Variants in PCDH7 observed in about 807,000 individuals in gnomAD.
PCDH7 encodes protocadherin 7, also known as protocadherin-7.
In PCDH7, 17 loss-of-function variants were observed where a neutral mutation model predicts 58.9. That is an observed-to-expected ratio of 0.29 (90% CI 0.20 to 0.43). The LOEUF is 0.43. Ranked by LOEUF, PCDH7 falls within the 20% of genes least tolerant of loss-of-function variation. The probability of loss-of-function intolerance (pLI) is 1.00; values close to 1 mark genes in which losing one functional copy is unlikely to be tolerated. For synonymous variants in PCDH7, 664 were observed against 616.4 expected (o/e 1.08, Z -1.14); for missense variants, 1,274 against 1,441.0 (o/e 0.88, Z 1.88).
chr4:30,790,115 T>G (rs1049178915), intron 1 of PCDH7, among the ~76,000 whole-genome samples: 1 of 152,178 alleles, frequency 6.6e-6, no homozygotes, highest in African/African-American at 2.4e-5. Flanking sequence ...GTTTTAGTTC[T>G]TGTTATTTTT....
Position 30,836,932 on chromosome 4 carries a change from C to T in PCDH7, c.71-83221C>T, listed in dbSNP as rs554495051. Among the ~76,000 whole-genome samples the T allele has an allele frequency of 4.6e-5, 7 of 152,160 alleles. No individual in the cohort carries two copies. In the South Asian group the frequency reaches 1.0e-3, roughly 23 times the overall value. On this transcript the variant is annotated intron_variant, in intron 1 of 3. Coordinates refer to the PCDH7 transcript ENST00000509759. ...TCATTATCACCGACTCACTTTAAAC[C>T]GTACTGGCCAGCACAGTAGGACAGT...
At chr4:30,733,483 G>C (rs1310270740), downstream of PCDH7, among the ~76,000 whole-genome samples, 1 of 152,120 alleles carries the variant, frequency 6.6e-6, no homozygotes, top group Non-Finnish European at 1.5e-5. Context: ...TAAGAGACAA[G>C]TGTCTCATTA....
rs563269331 is a variant in PCDH7 at position 31,131,972 on chromosome 4, A to G, written c.*8-10501A>G. On this transcript the variant is annotated intron_variant, in intron 3 of 3. Transcript: ENST00000509759. ...CAAAAAGTAATCACCTTTCAATTCT[A>G]CTTCAAATATGATTTGAACTTCAAT... Among the ~76,000 whole-genome samples the G allele has an allele frequency of 7.9e-5, 12 of 152,276 alleles. No homozygotes were observed. In the East Asian group the frequency reaches 2.3e-3, roughly 29 times the overall value.
intron 1 of PCDH7, among the ~76,000 whole-genome samples, chr4:30,897,683 A>G (rs952287203): frequency 2.6e-5 from 4 of 152,210 alleles, no homozygotes; most frequent in African/African-American, 9.6e-5. Context: ...GATGGTAGAG[A>G]GTAAATGTAA....
intron 1 of PCDH7, among the ~76,000 whole-genome samples, chr4:30,759,923 G>C (rs1324597325): frequency 6.6e-6 from 1 of 151,930 alleles, no homozygotes; most frequent in Non-Finnish European, 1.5e-5. Context: ...CTTGGTTTGG[G>C]CTCTACTCCC....
intron 1 of PCDH7, among the ~76,000 whole-genome samples, chr4:30,830,272 A>T (rs1464735309): frequency 6.6e-6 from 1 of 152,134 alleles, no homozygotes; most frequent in African/African-American, 2.4e-5. Flanking sequence ...TGTATGCAAG[A>T]ACCAAAGTTA....
At chr4:31,116,511 C>T (rs548910750) in intron 3 of PCDH7, among the ~76,000 whole-genome samples, 4 of 152,252 alleles carry the variant, frequency 2.6e-5, no homozygotes, top group East Asian at 3.9e-4. Flanking sequence ...GTGGCATTTT[C>T]GGTGGCACTG....
intron 1 of PCDH7, among the ~76,000 whole-genome samples, chr4:30,896,890 T>C (rs989421576): frequency 3.6e-5 from 2 of 55,400 alleles, no homozygotes; most frequent in East Asian, 1.3e-3. Flanking sequence ...AGTTCTTTGC[T>C]TTTTTTTTTT....
At chr4:30,726,172 G>C (rs950524035) in intron 1 of PCDH7, among the ~76,000 whole-genome samples, 1 of 151,976 alleles carries the variant, frequency 6.6e-6, no homozygotes, top group African/African-American at 2.4e-5. Flanking sequence ...TTGTAAACAA[G>C]GAAGATTCTA....
chr4:30,730,680 G>A, intron 1 of PCDH7: 1 of 1,107,314 alleles, frequency 9.0e-7, no homozygotes, highest in Non-Finnish European at 1.3e-6. Flanking sequence ...TTCCAATTGG[G>A]CATAAGACAC....
At chr4:31,116,106 T>C (rs1716951941) in intron 3 of PCDH7, among the ~76,000 whole-genome samples, 1 of 152,126 alleles carries the variant, frequency 6.6e-6, no homozygotes, top group South Asian at 2.1e-4. Context: ...GGGAGAGAAA[T>C]GATCCTAAAA....
chr4:31,113,108 C>G (rs1386833681), intron 3 of PCDH7, among the ~76,000 whole-genome samples: 2 of 152,004 alleles, frequency 1.3e-5, no homozygotes, highest in Non-Finnish European at 2.9e-5. Flanking sequence ...AATTGACCTT[C>G]TTTTGTCTGT....
intron 3 of PCDH7, among the ~76,000 whole-genome samples, chr4:31,093,866 C>A (rs1713594367): frequency 6.6e-6 from 1 of 151,962 alleles, no homozygotes; most frequent in South Asian, 2.1e-4. Context: ...TAAAAGATCA[C>A]AATATAATAT....
chr4:30,723,477 T>C lies in PCDH7; in HGVS notation c.2055T>C (p.Phe685=). 1.9e-6 allele frequency: 3 copies of C among 1,614,136 alleles called. No individual in the cohort carries two copies. The change falls in exon 1 of 2, where the codon TTT becomes TTC. Residue 685 remains phenylalanine, a synonymous_variant. Transcript: ENST00000361762. The surrounding 1 kb of genome is among the most constrained non-coding windows in gnomAD (Gnocchi z 4.6). ...ACATAGAGGAGAACAATAACATTTTTTCTATTGAAAATGACACGGGGACCA... is the reference window on the plus strand; with the variant it reads ...ACATAGAGGAGAACAATAACATTTTCTCTATTGAAAATGACACGGGGACCA...
chr4:30,949,569 A>G (rs569930831), intron 2 of PCDH7, among the ~76,000 whole-genome samples: 1 of 152,220 alleles, frequency 6.6e-6, no homozygotes, highest in East Asian at 1.9e-4. Context: ...TATTAGTTTG[A>G]CCTCCTCCAG....
chr4:30,945,035 C>G (rs1357837486), intron 2 of PCDH7, among the ~76,000 whole-genome samples: 1 of 151,858 alleles, frequency 6.6e-6, no homozygotes, highest in Non-Finnish European at 1.5e-5. Flanking sequence ...AAGTTGTCAC[C>G]TAAGAAAAAT....
chr4:30,797,693 C>T (rs1724979855), intron 1 of PCDH7, among the ~76,000 whole-genome samples: 2 of 152,078 alleles, frequency 1.3e-5, no homozygotes, highest in Non-Finnish European at 2.9e-5. Flanking sequence ...ATTTACCTAT[C>T]CTTCTTTCCC....
At chr4:31,042,839 T>A (rs1290171829) in intron 3 of PCDH7, among the ~76,000 whole-genome samples, 1 of 152,164 alleles carries the variant, frequency 6.6e-6, no homozygotes, top group Non-Finnish European at 1.5e-5. Flanking sequence ...TACTTGAGAC[T>A]GGGTAATTTA....
At chr4:31,109,185 T>G (rs1449622612) in intron 3 of PCDH7, among the ~76,000 whole-genome samples, 2 of 152,156 alleles carry the variant, frequency 1.3e-5, no homozygotes, top group Non-Finnish European at 2.9e-5. Context: ...AAGCCTAGTT[T>G]AAAAGGTAGG....
Sources: allele counts gnomAD v4.1 joint callset (sites outside exome capture counted in the v4.1 genomes callset), GRCh38; gene constraint gnomAD v4.1.1; non-coding constraint Gnocchi (gnomAD v3.1); transcripts MANE v1.5; gene names NCBI Gene and HGNC (gene_info 2026-07-23, HGNC 2026-07-21).